The following BRWD1 variants were observed in gnomAD, a reference collection of about 807,000 sequenced individuals.
BRWD1 encodes the protein bromodomain and WD repeat domain containing 1.
BRWD1 carries 82 observed loss-of-function variants against 251.2 expected under a neutral mutation model. That is an observed-to-expected ratio of 0.33 (90% CI 0.27 to 0.39). The LOEUF (loss-of-function observed/expected upper bound fraction) is 0.39, where lower values mean the gene tolerates loss of function less well. BRWD1 is among the 10% of genes least tolerant of loss of function. The pLI is 1.00. For missense variants in BRWD1, 2,233 were observed against 2,711.6 expected (o/e 0.82, Z 3.92); for synonymous variants, 918 against 902.8 (o/e 1.02, Z -0.30).
intron 21 of BRWD1, 31 bp from the exon 22 acceptor site, chr21:39,238,604 A>T (rs1401199827): frequency 6.7e-7 from 1 of 1,489,148 alleles, no homozygotes; most frequent in Non-Finnish European, 9.4e-7. Context: ...AAAAATCTTG[A>T]TCCCTGAAGT....
intron 8 of BRWD1, among the ~76,000 whole-genome samples, chr21:39,281,426 G>C (rs6517535): frequency 0.6 from 91,637 of 152,038 alleles, 27,843 homozygotes; most frequent in Admixed American, 0.66. Flanking sequence ...CGAGTGCTGT[G>C]GCTCATGCCT....
upstream of BRWD1, chr21:39,314,384 G>A (rs1568990200): frequency 4.4e-6 from 2 of 454,312 alleles, no homozygotes; most frequent in Non-Finnish European, 4.4e-6. Context: ...GCGCGCAGCT[G>A]CGGCTGACGG....
At chr21:39,244,522 C>T (rs183874816) in intron 21 of BRWD1, among the ~76,000 whole-genome samples, 1 of 152,306 alleles carries the variant, frequency 6.6e-6, no homozygotes, top group Admixed American at 6.5e-5. Context: ...AATAGTGCCT[C>T]CCAGGCATAA....
chr21:39,313,542 G>A lies in BRWD1; in HGVS notation c.-51C>T. On this transcript the variant is annotated 5_prime_UTR_variant, in exon 1 of 41. Coordinates refer to ENST00000342449, the MANE Select transcript of BRWD1 (RefSeq NM_033656.4). Reference sequence around the variant, plus strand: ...AGCGAGCGAGCGAGCGGAGCGTGTAGGCCGCGCCGAGGCCTGACCGGGCTG... The same window carrying A: ...AGCGAGCGAGCGAGCGGAGCGTGTAAGCCGCGCCGAGGCCTGACCGGGCTG... The A allele has an allele frequency of 1.5e-6, 2 of 1,310,016 alleles. No individual in the cohort carries two copies. Among genetic ancestry groups the A allele is most frequent in the Non-Finnish European group, 1.9e-6 (2 of 1,035,590 alleles). The allele number at this position is 1,310,016 out of a possible 1,614,324, so 81.1% of individuals were successfully genotyped here. A position where few individuals can be genotyped will look rare whatever the true frequency, so the allele number is the denominator to read the frequency against.
intron 14 of BRWD1, 101 bp from the exon 15 acceptor site, chr21:39,270,134 C>T (rs1381763503): frequency 2.8e-5 from 34 of 1,215,772 alleles, no homozygotes; most frequent in East Asian, 2.5e-4. Flanking sequence ...GAAATGTATT[C>T]GACAATAATT....
chr21:39,278,718 G>C (rs574253028), intron 10 of BRWD1, 25 bp downstream of exon 10: 2 of 1,531,794 alleles, frequency 1.3e-6, no homozygotes, highest in East Asian at 2.3e-5. Context: ...AAAAAACTAA[G>C]AAAAAAATGT....
At position 39,201,044 on chromosome 21, in the gene BRWD1, G is replaced by C. The variant is rs191928359; in HGVS notation, c.4586-658C>G. 3.9e-5 allele frequency among the ~76,000 whole-genome samples: 6 copies of C among 152,250 alleles called. No individual in the cohort carries two copies. The East Asian group carries it at 1.2e-3, about 29-fold the overall frequency. ...TACTCCCTTCTGTGATATCAGATAG[G>C]TATTTCATATAAAAAAGACACCATC... On this transcript the variant is annotated intron_variant, in intron 38 of 40. Transcript: ENST00000342449.
At chr21:39,184,274 A>G (rs1452670975), downstream of BRWD1, 1 of 152,210 alleles carries the variant, frequency 6.6e-6, no homozygotes, top group Non-Finnish European at 1.5e-5. Context: ...TTATGAGTGT[A>G]AAAAATAGTG....
At chr21:39,312,974 C>CGG in intron 3 of BRWD1, 74 bp from the exon 4 acceptor site, 1 of 408,562 alleles carries the variant, frequency 2.4e-6, no homozygotes, top group Non-Finnish European at 3.2e-6. Context: ...GGGCCGGGGG[C>CGG]GGGCGGCGGG....
In BRWD1 at chr21:39,210,135, T is replaced by C. The variant is rs1195211839; in HGVS notation, c.4057A>G (p.Ile1353Val). The change falls in exon 36 of 41, where the codon ATT (isoleucine) becomes GTT (valine). Residue 1353 changes from isoleucine to valine, a missense_variant. This residue lies in a region of BRWD1 where 69 missense variants were observed against 101.6 expected (regional missense o/e 0.68). Transcript: ENST00000342449. ...CCAAAATCCATTGGGGTATCTATAA[T>C]ATCTCTGTAGTCCTAGGTTTTAAAC... Reference protein sequence around the residue: ...DLVEYPDYRDIIDTPMDFGTV... With the variant: ...DLVEYPDYRDVIDTPMDFGTV... The C allele has an allele frequency of 1.2e-6, 2 of 1,610,352 alleles. No individual in the cohort carries two copies. Among genetic ancestry groups the C allele is most frequent in the South Asian group, 1.1e-5 (1 of 90,916 alleles).
chr21:39,295,998 T>A, intron 6 of BRWD1, 95 bp from the exon 7 acceptor site: 1 of 1,125,704 alleles, frequency 8.9e-7, no homozygotes, highest in East Asian at 2.7e-5. Flanking sequence ...GTCACAAAAA[T>A]CTATGTTCAA....
chr21:39,239,519 T>C (rs966891389), intron 21 of BRWD1, among the ~76,000 whole-genome samples: 2 of 152,206 alleles, frequency 1.3e-5, no homozygotes, highest in African/African-American at 2.4e-5. Context: ...CTCTTTATGT[T>C]GTTCCATTGA....
intron 9 of BRWD1, 141 bp from the exon 10 acceptor site, chr21:39,278,954 C>G: frequency 1.6e-6 from 1 of 615,702 alleles, no homozygotes; most frequent in Non-Finnish European, 2.5e-6. Flanking sequence ...ACACTAGACA[C>G]AAACTCTTGG....
intron 8 of BRWD1, among the ~76,000 whole-genome samples, chr21:39,282,405 G>C (rs2035497761): frequency 6.6e-6 from 1 of 152,114 alleles, no homozygotes; most frequent in Non-Finnish European, 1.5e-5. Context: ...ATATGTTCCA[G>C]AATGTGGCCT....
chr21:39,313,117 G>A lies in BRWD1; in HGVS notation c.109-16C>T, dbSNP rs1177813724. 5.3e-6 allele frequency: 8 copies of A among 1,495,890 alleles called. No individual in the cohort carries two copies. The highest frequency in any genetic ancestry group is 5.6e-5 in the East Asian group (2 of 35,716). 92.7% of individuals were successfully genotyped at this position (1,495,890 alleles called of 1,614,324 possible). A position where few individuals can be genotyped will look rare whatever the true frequency, so the allele number is the denominator to read the frequency against. ...GCACCAGCACCTGCGGCCGAGAGAC[G>A]CGCGGTCAGGGGTGGGGTCGGGCCC... On this transcript the variant is annotated splice_polypyrimidine_tract_variant and intron_variant, in intron 2 of 40. Transcript: ENST00000342449.
rs1396921198 is a variant in BRWD1, at chr21:39,197,136, T to G, written c.5933A>C (p.Asp1978Ala). ...TTCACAATGTACACTTCCTTCACAATCACTCAATTTCTTCTTAGCTGTAGT... is the reference window on the plus strand; with the variant it reads ...TTCACAATGTACACTTCCTTCACAAGCACTCAATTTCTTCTTAGCTGTAGT... The part of the protein sequence containing the change: ...ACTTAKKKLS[D>A]CEGSVHCEVP... The change falls in exon 41 of 41, where the codon GAT (aspartate) becomes GCT (alanine). Residue 1978 changes from aspartate (D) to alanine (A), a missense_variant. Asp to Ala is a moderately radical substitution (Grantham distance 126). Transcript: ENST00000342449. 1.2e-6 allele frequency: 2 copies of G among 1,614,150 alleles called. No homozygotes were observed. Among genetic ancestry groups the G allele is most frequent in the Admixed American group, 3.3e-5 (2 of 60,028 alleles).
intron 4 of BRWD1, 29 bp downstream of exon 4, chr21:39,312,812 C>G (rs1406801433): frequency 6.3e-7 from 1 of 1,582,746 alleles, no homozygotes; most frequent in Admixed American, 1.7e-5. Context: ...GCACGGAAAA[C>G]CCGGGGAGCA....
chr21:39,292,597 A>G (rs137955067), intron 8 of BRWD1, among the ~76,000 whole-genome samples: 397 of 152,308 alleles, frequency 2.6e-3, no homozygotes, highest in African/African-American at 9.1e-3. Context: ...TCTCATGCAC[A>G]TTAAAGAGAA....
intron 29 of BRWD1, among the ~76,000 whole-genome samples, chr21:39,220,875 A>G (rs1206710261): frequency 6.6e-6 from 1 of 152,054 alleles, no homozygotes; most frequent in Non-Finnish European, 1.5e-5. Flanking sequence ...AAAAGACTCA[A>G]CACCAGGAAT....
Sources: allele counts gnomAD v4.1 joint callset (sites outside exome capture counted in the v4.1 genomes callset), GRCh38; gene constraint gnomAD v4.1.1; regional missense constraint gnomAD v4.1.1; transcripts MANE v1.5; gene names NCBI Gene and HGNC (gene_info 2026-07-23, HGNC 2026-07-21).